The following DHX8 variants were observed in gnomAD, a reference collection of about 807,000 sequenced individuals.
The protein encoded by DHX8 is ATP-dependent RNA helicase DHX8.
Under a neutral mutation model 140.7 loss-of-function variants are expected in DHX8, and 67 were observed. That is an observed-to-expected ratio of 0.48 (90% confidence interval 0.39 to 0.58). The LOEUF (loss-of-function observed/expected upper bound fraction) is 0.58, where lower values mean the gene tolerates loss of function less well. Among genes scored for constraint, DHX8 ranks in the 20% least tolerant of loss-of-function variants. The probability of loss-of-function intolerance (pLI) is 0.00; values close to 1 mark genes in which losing one functional copy is unlikely to be tolerated. For missense variants in DHX8, 887 were observed against 1,550.7 expected (o/e 0.57, Z 7.19); for synonymous variants, 533 against 553.2 (o/e 0.96, Z 0.51).
chr17:43,517,415 C>CT, intron 18 of DHX8, 93 bp downstream of exon 18: 7 of 1,383,380 alleles, frequency 5.1e-6, no homozygotes, highest in Non-Finnish European at 5.9e-6. Flanking sequence ...TTGTTAAATA[C>CT]TTTAGTAACC....
intron 2 of DHX8, chr17:43,536,309 TCAAA>T: frequency 1.1e-6 from 1 of 913,918 alleles, no homozygotes; most frequent in Non-Finnish European, 1.7e-6. Flanking sequence ...GTCTTTAAGA[TCAAA>T]CCCCACTGTG....
intron 2 of DHX8, chr17:43,533,343 T>C (rs1971061709): frequency 6.2e-7 from 1 of 1,612,472 alleles, no homozygotes; most frequent in East Asian, 2.2e-5. Flanking sequence ...GGGGGGGTCA[T>C]AGGCACTGGA....
rs765250584 is a variant in DHX8, at chr17:43,507,518, C to A, written c.1939C>A (p.Arg647=). 6.2e-7 allele frequency: 1 copy of A among 1,613,730 alleles called. No homozygotes were observed. The highest frequency in any genetic ancestry group is 1.3e-5 in the African/African-American group (1 of 74,872). ...CLGQEVGYTI[R]FEDCTSPETV... Reference sequence around the variant, plus strand: ...TCTGCTTTAGGTGGGCTACACCATTCGATTTGAGGACTGCACTAGCCCTGA... The same window carrying A: ...TCTGCTTTAGGTGGGCTACACCATTAGATTTGAGGACTGCACTAGCCCTGA... The change falls in exon 14 of 23, where the codon CGA becomes AGA. Residue 647 remains arginine (R), a synonymous_variant. Coordinates refer to ENST00000262415, the MANE Select transcript of DHX8 (RefSeq NM_004941.3).
intron 16 of DHX8, among the ~76,000 whole-genome samples, chr17:43,511,755 G>T (rs1254714268): frequency 6.7e-6 from 1 of 149,936 alleles, no homozygotes; most frequent in Non-Finnish European, 1.5e-5. Flanking sequence ...ACCACGCCTG[G>T]CAGATCCCAG....
In DHX8 at chr17:43,524,495, CAGCCTTGTCTTTCAGCATCAGCACT is replaced by C. The variant is rs1275065184; in HGVS notation, c.*653_*677del. 1.5e-5 allele frequency: 15 copies of C among 987,036 alleles called. No individual in the cohort carries two copies. Among genetic ancestry groups the C allele is most frequent in the Non-Finnish European group, 1.8e-5 (15 of 831,334 alleles). 61.1% of individuals were successfully genotyped at this position (987,036 alleles called of 1,614,324 possible). On this transcript the variant is annotated 3_prime_UTR_variant, in exon 23 of 23. Coordinates refer to ENST00000262415, the MANE Select transcript of DHX8 (RefSeq NM_004941.3). Reference sequence around the variant, plus strand: ...GGAAACGACGTACAACCCAGACTTCCAGCCTTGTCTTTCAGCATCAGCACTAGCCGGGCCGTGCTGGGGGATCACC... The same window carrying C: ...GGAAACGACGTACAACCCAGACTTCCAGCCGGGCCGTGCTGGGGGATCACC...
At chr17:43,543,276 A>ACT (rs60214474) in intron 3 of DHX8, among the ~76,000 whole-genome samples, 1,602 of 138,122 alleles carry the variant, frequency 0.012, 15 homozygotes, top group Middle Eastern at 0.029. Context: ...ACACACACAC[A>ACT]CTCTCTCTCT....
At chr17:43,542,540 TC>T (rs1971576526) in intron 3 of DHX8, among the ~76,000 whole-genome samples, 3 of 151,984 alleles carry the variant, frequency 2.0e-5, no homozygotes, top group Admixed American at 1.3e-4. Context: ...CCTGATTCTT[TC>T]CCCAACATCT....
chr17:43,485,102 G>A (rs1449551736), intron 1 of DHX8, among the ~76,000 whole-genome samples: 1 of 152,194 alleles, frequency 6.6e-6, no homozygotes, highest in Non-Finnish European at 1.5e-5. Context: ...GGCAACCAAT[G>A]GATGGATTGA....
chr17:43,517,282 TC>T lies in DHX8; in HGVS notation c.2761del (p.Gln921ArgfsTer5). The T allele has an allele frequency of 9.3e-6, 15 of 1,613,874 alleles. No homozygotes were observed. The highest frequency in any genetic ancestry group is 1.3e-5 in the Non-Finnish European group (15 of 1,179,954). ...ATGCTGACCACCAACGTGCCGGAAATCCAGAGAACCAACTTAGCAAGCACAG... is the reference window on the plus strand; with the variant it reads ...ATGCTGACCACCAACGTGCCGGAAATCAGAGAACCAACTTAGCAAGCACAG... Reference protein sequence around the residue: ...DEMLTTNVPEIQRTNLASTVL... With the variant: ...DEMLTTNVPEXQRTNLASTVL... On this transcript the variant is annotated frameshift_variant, in exon 18 of 23. Coordinates refer to ENST00000262415, the MANE Select transcript of DHX8 (RefSeq NM_004941.3). LOFTEE classifies it high-confidence loss of function.
chr17:43,493,975 TA>T (rs2154586394), intron 8 of DHX8, 89 bp downstream of exon 8: 1 of 1,392,944 alleles, frequency 7.2e-7, no homozygotes, highest in South Asian at 1.2e-5. Flanking sequence ...TGGCCTGGGA[TA>T]ACTTTTGGCC....
chr17:43,517,316 A>C lies in DHX8; in HGVS notation c.2793A>C (p.Ser931=). ...QRTNLASTVL[S]LKAMGINDLL... is the part of the protein sequence containing the mutation. ...CCAACTTAGCAAGCACAGTGCTGTC[A>C]CTCAAGGTAGAAATCACTGTCTTGT... Residue 931 remains serine (S), a synonymous_variant, in exon 18 of 23, where the codon TCA becomes TCC. Coordinates refer to ENST00000262415, the MANE Select transcript of DHX8 (RefSeq NM_004941.3). The C allele has an allele frequency of 6.2e-7, 1 of 1,613,772 alleles. No individual in the cohort carries two copies.
chr17:43,491,681 GTTTCA>G (rs1315661428), intron 4 of DHX8, among the ~76,000 whole-genome samples: 2 of 152,172 alleles, frequency 1.3e-5, no homozygotes. Context: ...ACAGACAAGA[GTTTCA>G]GCCTTTGGAG....
Position 43,520,267 on chromosome 17 carries a change from G to C in DHX8, c.2937G>C (p.Arg979=), listed in dbSNP as rs770359968. 2 of 1,613,784 alleles carry C rather than the reference G, an allele frequency of 1.2e-6. No homozygotes were observed. The highest frequency in any genetic ancestry group is 1.7e-6 in the Non-Finnish European group (2 of 1,179,844). The part of the protein sequence containing the change: ...DEGLLTRLGR[R]MAEFPLEPML... ...GCCTGCTCACTCGCTTGGGCCGCCG[G>C]GTAAGGGACAGACTCAACTTCCTGT... Residue 979 remains arginine, a splice_region_variant and synonymous_variant, in exon 19 of 23, where the codon CGG becomes CGC. Coordinates refer to ENST00000262415, the MANE Select transcript of DHX8 (RefSeq NM_004941.3).
intron 11 of DHX8, among the ~76,000 whole-genome samples, chr17:43,502,167 T>G (rs1963636787): frequency 6.6e-6 from 1 of 152,142 alleles, no homozygotes; most frequent in Non-Finnish European, 1.5e-5. Flanking sequence ...GAATTGAGTA[T>G]AAGAGCTCAG....
chr17:43,492,993 T>TA lies in DHX8; in HGVS notation c.817dup (p.Thr273AsnfsTer27), dbSNP rs762089253. 1 of 1,614,220 alleles carries TA rather than the reference T, an allele frequency of 6.2e-7. No homozygotes were observed. Among genetic ancestry groups the TA allele is most frequent in the Admixed American group, 1.7e-5 (1 of 60,026 alleles). ...TTGGTGACATTTATAATGGCAAAGT[T>TA]ACCAGCATCATGCAGTTTGGTTGCT... On this transcript the variant is annotated frameshift_variant, in exon 6 of 23. Coordinates refer to ENST00000262415, the MANE Select transcript of DHX8 (RefSeq NM_004941.3). LOFTEE classifies it high-confidence loss of function.
intron 17 of DHX8, among the ~76,000 whole-genome samples, 189 bp from the exon 18 acceptor site, chr17:43,516,978 C>A (rs770687453): frequency 6.6e-6 from 1 of 152,134 alleles, no homozygotes; most frequent in African/African-American, 2.4e-5. Context: ...CAAACTTCCC[C>A]GAAGTGCTGA....
intron 22 of DHX8, 132 bp from the exon 23 acceptor site, chr17:43,523,496 A>T (rs1970489975): frequency 1.4e-6 from 2 of 1,394,016 alleles, no homozygotes; most frequent in South Asian, 2.8e-5. Flanking sequence ...AACAGACTGC[A>T]GTCTTATAGG....
chr17:43,527,246 G>A (rs1970644191), downstream of DHX8, among the ~76,000 whole-genome samples: 1 of 152,210 alleles, frequency 6.6e-6, no homozygotes, highest in Non-Finnish European at 1.5e-5. Context: ...CTCCCCGGAA[G>A]ATCTAATCTC....
downstream of DHX8, chr17:43,529,034 TC>T: frequency 9.2e-7 from 1 of 1,089,370 alleles, no homozygotes; most frequent in South Asian, 1.3e-5. Context: ...CATTATCTGA[TC>T]CTACAAAGTT....
Sources: gnomAD v4.1 joint callset for allele counts (sites outside exome capture counted in the v4.1 genomes callset) on GRCh38, gnomAD v4.1.1 for gene constraint, MANE v1.5 for transcripts, NCBI Gene and HGNC (gene_info 2026-07-23, HGNC 2026-07-21) for gene names.